The following NSUN6 variants were observed in gnomAD, a reference collection of about 807,000 sequenced individuals.
The protein encoded by NSUN6 is tRNA (cytosine(72)-C(5))-methyltransferase NSUN6.
A neutral mutation model predicts 58.0 loss-of-function variants in NSUN6; 64 were observed. The observed-to-expected ratio is 1.10, with a 90% CI of 0.90 to 1.36. The LOEUF is 1.36. NSUN6 is among the 40% of genes most tolerant of loss of function. The pLI, the probability that NSUN6 is intolerant of heterozygous loss-of-function variation, is 0.00. For missense variants in NSUN6, 701 were observed against 550.1 expected, an observed-to-expected ratio of 1.27 and a Z score of -2.74; for synonymous variants, 231 against 193.9, an observed-to-expected ratio of 1.19 and a Z score of -1.59.
intron 8 of NSUN6, among the ~76,000 whole-genome samples, chr10:18,555,079 A>G (rs2054888970): frequency 6.6e-6 from 1 of 151,356 alleles, no homozygotes; most frequent in Non-Finnish European, 1.5e-5. Flanking sequence ...GGAGAATAGA[A>G]AGGAATAGAG....
chr10:18,600,941 A>AAAAAAAAAAT (rs1487679670), intron 6 of NSUN6, among the ~76,000 whole-genome samples: 2 of 43,532 alleles, frequency 4.6e-5, no homozygotes, highest in African/African-American at 1.6e-4. Context: ...AAAAAAAAAA[A>AAAAAAAAAAT]ATATATATAT....
At chr10:18,611,581 G>A (rs1332259403) in intron 5 of NSUN6, among the ~76,000 whole-genome samples, 1 of 152,132 alleles carries the variant, frequency 6.6e-6, no homozygotes, top group African/African-American at 2.4e-5. Flanking sequence ...GCAGGCTGGA[G>A]CGCAGTGGCA....
At chr10:18,594,426 T>TG (rs2057501057) in intron 7 of NSUN6, among the ~76,000 whole-genome samples, 1 of 124,984 alleles carries the variant, frequency 8.0e-6, no homozygotes, top group Non-Finnish European at 1.8e-5. Context: ...TGATAGACAC[T>TG]TTCTGTTTTT....
chr10:18,556,252 G>C (rs1251411092), intron 8 of NSUN6, among the ~76,000 whole-genome samples: 3 of 151,374 alleles, frequency 2.0e-5, no homozygotes, highest in Admixed American at 6.6e-5. Flanking sequence ...AATGCGAATA[G>C]AATGGAATGA....
intron 8 of NSUN6, among the ~76,000 whole-genome samples, chr10:18,557,884 T>C (rs757793650): frequency 6.7e-6 from 1 of 149,544 alleles, no homozygotes; most frequent in African/African-American, 2.5e-5. Context: ...TGGAATGGAA[T>C]GGAATGAAAT....
At chr10:18,606,473 T>C (rs1467096484) in intron 6 of NSUN6, among the ~76,000 whole-genome samples, 2 of 152,156 alleles carry the variant, frequency 1.3e-5, no homozygotes, top group African/African-American at 4.8e-5. Context: ...TAGGACATTA[T>C]GAGAAAAACT....
Position 18,651,245 on chromosome 10 carries a change from A to G in NSUN6, c.-42T>C. 1 of 1,508,290 alleles carries G rather than the reference A, an allele frequency of 6.6e-7. No individual in the cohort carries two copies. Among genetic ancestry groups the G allele is most frequent in the Non-Finnish European group, 8.8e-7 (1 of 1,134,272 alleles). 93.4% of individuals were successfully genotyped at this position (1,508,290 alleles called of 1,614,324 possible). A position where few individuals can be genotyped will look rare whatever the true frequency, so the allele number is the denominator to read the frequency against. Reference sequence around the variant, plus strand: ...TTCTCCACCAAGAGAAATGCTGGAAAACGGTGTTTTGTTTTTTTTTTTCTT... The same window carrying G: ...TTCTCCACCAAGAGAAATGCTGGAAGACGGTGTTTTGTTTTTTTTTTTCTT... On this transcript the variant is annotated 5_prime_UTR_variant, in exon 1 of 11. Coordinates refer to ENST00000377304, the MANE Select transcript of NSUN6 (RefSeq NM_182543.5).
At chr10:18,580,928 G>C (rs932562612) in intron 8 of NSUN6, among the ~76,000 whole-genome samples, 9 of 152,180 alleles carry the variant, frequency 5.9e-5, no homozygotes, top group Non-Finnish European at 1.0e-4. Context: ...GAGCAGGAGT[G>C]AAAGTTTATT....
At chr10:18,573,193 A>T (rs12269605) in intron 8 of NSUN6, among the ~76,000 whole-genome samples, 1 of 147,638 alleles carries the variant, frequency 6.8e-6, no homozygotes, top group African/African-American at 2.5e-5. Context: ...TGCATTCTCC[A>T]TTCCACTCCA....
chr10:18,641,320 T>C (rs928060775), intron 3 of NSUN6, among the ~76,000 whole-genome samples: 3 of 151,996 alleles, frequency 2.0e-5, no homozygotes, highest in African/African-American at 7.2e-5. Context: ...AAATGCTCCA[T>C]AGGAATAAAA....
intron 2 of NSUN6, among the ~76,000 whole-genome samples, chr10:18,647,180 T>C (rs2059570096): frequency 6.6e-6 from 1 of 152,166 alleles, no homozygotes; most frequent in South Asian, 2.1e-4. Context: ...ATAAATGTAA[T>C]AGAGAGATTT....
At chr10:18,555,980 A>G (rs533968769) in intron 8 of NSUN6, among the ~76,000 whole-genome samples, 13 of 150,428 alleles carry the variant, frequency 8.6e-5, no homozygotes, top group African/African-American at 2.9e-4. Flanking sequence ...GGAGAATTAA[A>G]TAGAATGGAT....
At chr10:18,577,262 C>G (rs1001292894) in intron 8 of NSUN6, among the ~76,000 whole-genome samples, 3 of 152,142 alleles carry the variant, frequency 2.0e-5, no homozygotes, top group Non-Finnish European at 2.9e-5. Context: ...TCCCAAACAC[C>G]ACCGCCCCTG....
Position 18,545,900 on chromosome 10 carries a change from T to C in NSUN6, c.*33A>G. 1 of 1,137,300 alleles carries C rather than the reference T, an allele frequency of 8.8e-7. No homozygotes were observed. The highest frequency in any genetic ancestry group is 1.3e-6 in the Non-Finnish European group (1 of 776,536). 70.5% of individuals were successfully genotyped at this position (1,137,300 alleles called of 1,614,324 possible). A position where few individuals can be genotyped will look rare whatever the true frequency, so the allele number is the denominator to read the frequency against. On this transcript the variant is annotated 3_prime_UTR_variant, in exon 11 of 11. Coordinates refer to ENST00000377304, the MANE Select transcript of NSUN6 (RefSeq NM_182543.5). ...AAAAAAACCACAGACAGCAAATGTT[T>C]GGAATTTTCATTTCTGAGCATCCAT...
intron 3 of NSUN6, among the ~76,000 whole-genome samples, chr10:18,632,293 A>G (rs2059059033): frequency 6.8e-6 from 1 of 146,742 alleles, no homozygotes; most frequent in Non-Finnish European, 1.5e-5. Flanking sequence ...ACCTAAAACC[A>G]TAAAAACCCT....
intron 10 of NSUN6, 81 bp from the exon 11 acceptor site, chr10:18,546,226 A>T: frequency 1.0e-6 from 1 of 991,664 alleles, no homozygotes; most frequent in Non-Finnish European, 1.6e-6. Context: ...TTAAAAGACA[A>T]ATTGGGCTGT....
At chr10:18,558,501 T>C (rs1361383384) in intron 8 of NSUN6, among the ~76,000 whole-genome samples, 1 of 146,104 alleles carries the variant, frequency 6.8e-6, no homozygotes, top group African/African-American at 2.5e-5. Flanking sequence ...TGGAATGGAA[T>C]GGAGAAAGGA....
At chr10:18,560,316 G>A (rs547304871) in intron 8 of NSUN6, among the ~76,000 whole-genome samples, 5 of 151,516 alleles carry the variant, frequency 3.3e-5, no homozygotes, top group Admixed American at 2.6e-4. Flanking sequence ...AATGGATAAT[G>A]GAATGGAGAA....
At chr10:18,609,266 G>A (rs2058148308) in intron 6 of NSUN6, among the ~76,000 whole-genome samples, 1 of 152,054 alleles carries the variant, frequency 6.6e-6, no homozygotes, top group Non-Finnish European at 1.5e-5. Context: ...AGCTACGATT[G>A]TACCACTGCA....
Sources: gnomAD v4.1 joint callset for allele counts (sites outside exome capture counted in the v4.1 genomes callset) on GRCh38, gnomAD v4.1.1 for gene constraint, MANE v1.5 for transcripts, NCBI Gene and HGNC (gene_info 2026-07-23, HGNC 2026-07-21) for gene names.